Variants in ABTB2 observed in about 807,000 individuals in gnomAD.
ABTB2 encodes ankyrin repeat and BTB domain containing 2.
A neutral mutation model predicts 104.1 loss-of-function variants in ABTB2; 56 were observed. The observed-to-expected ratio is 0.54, with a 90% CI of 0.43 to 0.67. The LOEUF (loss-of-function observed/expected upper bound fraction) is 0.67, where lower values mean the gene tolerates loss of function less well. Among genes scored for constraint, ABTB2 ranks in the 30% least tolerant of loss-of-function variants. The pLI is 0.00. For missense variants in ABTB2, 1,279 were observed against 1,407.7 expected, an observed-to-expected ratio of 0.91 and a Z score of 1.46; for synonymous variants, 606 against 608.2, an observed-to-expected ratio of 1.00 and a Z score of 0.05.
At chr11:34,198,357 G>A (rs569637143) in intron 2 of ABTB2, among the ~76,000 whole-genome samples, 17 of 152,198 alleles carry the variant, frequency 1.1e-4, no homozygotes, top group African/African-American at 3.4e-4. Flanking sequence ...CCTGGGAGGC[G>A]GAGGTGGCAG....
intron 10 of ABTB2, among the ~76,000 whole-genome samples, chr11:34,161,602 G>T (rs1440178311): frequency 6.6e-6 from 1 of 152,154 alleles, no homozygotes; most frequent in Non-Finnish European, 1.5e-5. Context: ...ATCACGAGGG[G>T]CTCTCCAGCA....
intron 1 of ABTB2, among the ~76,000 whole-genome samples, chr11:34,305,869 CA>C (rs1463725181): frequency 1.3e-5 from 2 of 152,132 alleles, no homozygotes; most frequent in Non-Finnish European, 2.9e-5. Context: ...TCACCTAAGA[CA>C]AAAGACATTC....
chr11:34,152,346 A>G lies in ABTB2; in HGVS notation c.*41T>C, dbSNP rs1301136156. On this transcript the variant is annotated 3_prime_UTR_variant, in exon 17 of 17. Coordinates refer to ENST00000435224, the MANE Select transcript of ABTB2 (RefSeq NM_145804.3). ...ATACCCCGACATGGTGGGCCCTGGC[A>G]CCTCCACAGGCCCTGGCCTCGGCAG... 2.6e-6 allele frequency: 4 copies of G among 1,532,070 alleles called. No individual in the cohort carries two copies. The highest frequency in any genetic ancestry group is 1.8e-6 in the Non-Finnish European group (2 of 1,137,442). 94.9% of individuals were successfully genotyped at this position (1,532,070 alleles called of 1,614,324 possible). A position where few individuals can be genotyped will look rare whatever the true frequency, so the allele number is the denominator to read the frequency against.
intron 3 of ABTB2, among the ~76,000 whole-genome samples, chr11:34,185,383 G>A (rs1853084033): frequency 6.6e-6 from 1 of 152,210 alleles, no homozygotes; most frequent in Non-Finnish European, 1.5e-5. Flanking sequence ...ACCCTGCTTT[G>A]TGCATCCACA....
Position 34,353,416 on chromosome 11 carries a change from C to T in ABTB2, c.883+3285G>A, listed in dbSNP as rs571451878. Among the ~76,000 whole-genome samples the T allele has an allele frequency of 8.5e-5, 13 of 152,124 alleles. No individual in the cohort carries two copies. The East Asian group carries it at 1.2e-3, about 14-fold the overall frequency. The stretch of plus-strand genomic sequence containing the variant: ...GAGTAGGGAGGGATATGAGTGGATG[C>T]GAAAAGTTTCTATTTTGTGCAAACT... On this transcript the variant is annotated intron_variant, in intron 1 of 16. Transcript: ENST00000435224.
chr11:34,300,479 T>C (rs1854690300), intron 1 of ABTB2, among the ~76,000 whole-genome samples: 1 of 152,224 alleles, frequency 6.6e-6, no homozygotes, highest in African/African-American at 2.4e-5. Flanking sequence ...GGAGTGGAAC[T>C]CATTAATATA....
intron 3 of ABTB2, among the ~76,000 whole-genome samples, chr11:34,195,055 G>A (rs1321684089): frequency 7.6e-6 from 1 of 131,476 alleles, no homozygotes; most frequent in Non-Finnish European, 1.6e-5. Flanking sequence ...AAAGCCACAG[G>A]ACATGACAAA....
At chr11:34,305,142 C>T (rs921066362) in intron 1 of ABTB2, among the ~76,000 whole-genome samples, 8 of 152,230 alleles carry the variant, frequency 5.3e-5, no homozygotes, top group African/African-American at 1.9e-4. Context: ...GAAGACCCCA[C>T]ATAAGTACAC....
intron 1 of ABTB2, among the ~76,000 whole-genome samples, chr11:34,348,113 T>G (rs1413912090): frequency 6.6e-6 from 1 of 152,154 alleles, no homozygotes; most frequent in Non-Finnish European, 1.5e-5. Context: ...ATAGAAGCCT[T>G]GTTCTTCAAC....
In ABTB2 at chr11:34,356,654, G is replaced by A; in HGVS notation, c.883+47C>T. 3 of 1,498,570 alleles carry A rather than the reference G, an allele frequency of 2.0e-6. No homozygotes were observed. Among genetic ancestry groups the A allele is most frequent in the Non-Finnish European group, 2.7e-6 (3 of 1,116,304 alleles). 92.8% of individuals were successfully genotyped at this position (1,498,570 alleles called of 1,614,324 possible). On this transcript the variant is annotated intron_variant, in intron 1 of 16. Coordinates refer to ENST00000435224, the MANE Select transcript of ABTB2 (RefSeq NM_145804.3). The surrounding 1 kb of genome is among the most constrained non-coding windows in gnomAD (Gnocchi z 4.6). ...TTCACTCCCCCAGTAGCCCAGGGCG[G>A]GATTTCTTGCCTACCCAGTCTGCCA...
At chr11:34,237,412 G>A (rs766481433) in intron 1 of ABTB2, among the ~76,000 whole-genome samples, 13 of 151,608 alleles carry the variant, frequency 8.6e-5, no homozygotes, top group Non-Finnish European at 1.6e-4. Context: ...CAAAGTGCTC[G>A]GATTTCAGGC....
intron 1 of ABTB2, among the ~76,000 whole-genome samples, chr11:34,260,750 GC>G (rs1201387351): frequency 6.6e-6 from 1 of 152,150 alleles, no homozygotes; most frequent in Non-Finnish European, 1.5e-5. Context: ...TAAGTGTCCT[GC>G]CCAGGGTCAT....
intron 4 of ABTB2, among the ~76,000 whole-genome samples, chr11:34,172,304 A>G (rs1434488125): frequency 7.0e-6 from 1 of 143,500 alleles, no homozygotes; most frequent in East Asian, 2.0e-4. Flanking sequence ...CCCAGGAGGC[A>G]GAGATTTCAG....
chr11:34,221,996 G>T (rs1315692728), intron 1 of ABTB2, among the ~76,000 whole-genome samples: 7 of 152,154 alleles, frequency 4.6e-5, no homozygotes, highest in Non-Finnish European at 8.8e-5. Context: ...AGTGAGTCGA[G>T]ATCGCACCAT....
chr11:34,292,911 C>T (rs948817176), intron 1 of ABTB2, among the ~76,000 whole-genome samples: 1 of 152,188 alleles, frequency 6.6e-6, no homozygotes, highest in African/African-American at 2.4e-5. Context: ...ACTTGGTCCA[C>T]TGTGGAAGGG....
chr11:34,188,934 C>T (rs1342704659), intron 3 of ABTB2, among the ~76,000 whole-genome samples: 1 of 152,168 alleles, frequency 6.6e-6, no homozygotes, highest in East Asian at 1.9e-4. Context: ...GGCATTTCCC[C>T]ACCTTAGGAA....
At chr11:34,353,643 G>A (rs1235103596) in intron 1 of ABTB2, among the ~76,000 whole-genome samples, 3 of 152,182 alleles carry the variant, frequency 2.0e-5, no homozygotes, top group Non-Finnish European at 4.4e-5. Flanking sequence ...ATCTTGTGCT[G>A]AGCAAAACCA....
At chr11:34,246,601 C>CAAAAAAAA (rs60681759) in intron 1 of ABTB2, among the ~76,000 whole-genome samples, 5 of 34,768 alleles carry the variant, frequency 1.4e-4, no homozygotes, top group African/African-American at 2.5e-4. Flanking sequence ...AACTCCATCT[C>CAAAAAAAA]AAAAAAAAAA....
chr11:34,273,140 T>G (rs1854339917), intron 1 of ABTB2, among the ~76,000 whole-genome samples: 1 of 152,212 alleles, frequency 6.6e-6, no homozygotes, highest in Non-Finnish European at 1.5e-5. Flanking sequence ...ATGTTTACTA[T>G]TTTTACTATT....
Sources: allele counts gnomAD v4.1 joint callset (sites outside exome capture counted in the v4.1 genomes callset), GRCh38; gene constraint gnomAD v4.1.1; non-coding constraint Gnocchi (gnomAD v3.1); transcripts MANE v1.5; gene names NCBI Gene and HGNC (gene_info 2026-07-23, HGNC 2026-07-21).